SLC71A1: variants seen among roughly 807,000 people sequenced by gnomAD.
The protein encoded by SLC71A1 is solute carrier family 71 member 1.
the SLC71A1 span, among the ~76,000 whole-genome samples, chr1:100,076,157 A>G: frequency 6.6e-6 from 1 of 152,228 alleles, no homozygotes; most frequent in Non-Finnish European, 1.5e-5. Flanking sequence ...AAATCCTTGA[A>G]TGAATCATTT....
At chr1:100,078,596 C>T in the SLC71A1 span, 7 of 1,294,268 alleles carry the variant, frequency 5.4e-6, no homozygotes, top group East Asian at 9.3e-5. Flanking sequence ...ACAGAATGTT[C>T]TAATCCTGTG....
the SLC71A1 span, among the ~76,000 whole-genome samples, chr1:100,045,400 G>A: frequency 9.2e-5 from 14 of 152,114 alleles, no homozygotes; most frequent in Non-Finnish European, 7.3e-5. Context: ...TTTTGGATGC[G>A]TCATTAGGGT....
chr1:100,039,613 AAG>A, the SLC71A1 span, among the ~76,000 whole-genome samples: 2 of 152,348 alleles, frequency 1.3e-5, no homozygotes, highest in Non-Finnish European at 2.9e-5. Flanking sequence ...ATCGGTTATG[AAG>A]AGTCATAGCT....
chr1:100,068,876 G>C, the SLC71A1 span, among the ~76,000 whole-genome samples: 1 of 152,072 alleles, frequency 6.6e-6, no homozygotes, highest in Non-Finnish European at 1.5e-5. Context: ...CCAGCTACTT[G>C]GGAGGCTGAG....
At chr1:100,059,794 A>T in the SLC71A1 span, 1 of 1,267,660 alleles carries the variant, frequency 7.9e-7, no homozygotes. Context: ...GTTGTTGAAA[A>T]TTTTTCTATA....
the SLC71A1 span, chr1:100,067,955 G>C: frequency 5.7e-5 from 91 of 1,603,698 alleles, no homozygotes; most frequent in Non-Finnish European, 7.6e-5. Context: ...ACTAATCTCT[G>C]TCTATCCTTA....
At chr1:100,064,079 C>A in the SLC71A1 span, among the ~76,000 whole-genome samples, 1 of 152,274 alleles carries the variant, frequency 6.6e-6, no homozygotes, top group Non-Finnish European at 1.5e-5. Context: ...AAAATAACCA[C>A]TACATTTGAA....
chr1:100,038,149 G>C, the SLC71A1 span: 4 of 1,233,672 alleles, frequency 3.2e-6, no homozygotes, highest in Non-Finnish European at 4.7e-6. Flanking sequence ...GCTCGGCCCG[G>C]CAGTAGTGGT....
At chr1:100,046,668 C>T in the SLC71A1 span, among the ~76,000 whole-genome samples, 3 of 152,108 alleles carry the variant, frequency 2.0e-5, no homozygotes, top group Admixed American at 6.5e-5. Context: ...CTGTAGATTG[C>T]TTTTGGTAGT....
At chr1:100,064,671 T>G in the SLC71A1 span, among the ~76,000 whole-genome samples, 2 of 152,136 alleles carry the variant, frequency 1.3e-5, no homozygotes. Context: ...CATAATCTTT[T>G]GAGATTGATC....
At chr1:100,080,666 C>A in the SLC71A1 span, 9 of 1,610,738 alleles carry the variant, frequency 5.6e-6, no homozygotes, top group Non-Finnish European at 6.8e-6. Flanking sequence ...ACAGGTAATT[C>A]TCATTCAACA....
At chr1:100,075,911 C>T in the SLC71A1 span, among the ~76,000 whole-genome samples, 1 of 152,194 alleles carries the variant, frequency 6.6e-6, no homozygotes. Flanking sequence ...CTCCTGGGTT[C>T]AAGCAGTCCT....
chr1:100,048,464 G>A, the SLC71A1 span, among the ~76,000 whole-genome samples: 3 of 152,184 alleles, frequency 2.0e-5, no homozygotes, highest in African/African-American at 4.8e-5. Context: ...ACAGGCATGA[G>A]CCACCATGCC....
chr1:100,064,102 T>C, the SLC71A1 span, among the ~76,000 whole-genome samples: 23 of 152,172 alleles, frequency 1.5e-4, no homozygotes, highest in Non-Finnish European at 2.5e-4. Context: ...TATATATTTA[T>C]ATGTATGTGT....
At chr1:100,079,214 A>G in the SLC71A1 span, 1 of 152,124 alleles carries the variant, frequency 6.6e-6, no homozygotes, top group African/African-American at 2.4e-5. Flanking sequence ...AAGCTGAGGC[A>G]GGAGGATTAC....
the SLC71A1 span, chr1:100,077,277 G>A: frequency 7.1e-7 from 1 of 1,400,978 alleles, no homozygotes; most frequent in South Asian, 1.2e-5. Context: ...TCAGAACCTT[G>A]GTAAGTATAA....
At chr1:100,076,714 T>A in the SLC71A1 span, among the ~76,000 whole-genome samples, 8 of 152,342 alleles carry the variant, frequency 5.3e-5, no homozygotes, top group Admixed American at 4.6e-4. Context: ...ATAAAAGGCA[T>A]CATGGTTTCA....
chr1:100,059,993 A>G, the SLC71A1 span: 21 of 1,611,050 alleles, frequency 1.3e-5, no homozygotes, highest in Non-Finnish European at 1.6e-5. Context: ...CCTTTAATGA[A>G]GATCAGCCCA....
the SLC71A1 span, among the ~76,000 whole-genome samples, chr1:100,046,224 T>G: frequency 8.0e-3 from 817 of 102,160 alleles, 14 homozygotes; most frequent in African/African-American, 0.032. Flanking sequence ...TTTTTTTTTT[T>G]TTTTTTTTTT....
Sources: gnomAD v4.1 joint callset for allele counts (sites outside exome capture counted in the v4.1 genomes callset) on GRCh38, gnomAD v4.1.1 for gene constraint, MANE v1.5 for transcripts, NCBI Gene and HGNC (gene_info 2026-07-23, HGNC 2026-07-21) for gene names.